Variants in PCDHGA1 observed in about 807,000 individuals in gnomAD.
PCDHGA1 encodes protocadherin gamma subfamily A, 1, also known as protocadherin gamma-A1.
PCDHGA1 carries 32 observed loss-of-function variants against 58.0 expected under a neutral mutation model. That is an observed-to-expected ratio of 0.55 (90% CI 0.42 to 0.74). The LOEUF (loss-of-function observed/expected upper bound fraction) is 0.74. PCDHGA1 is among the 30% of genes least tolerant of loss of function. The pLI is 0.00. For missense variants in PCDHGA1, 1,205 were observed against 1,182.3 expected, an observed-to-expected ratio of 1.02 and a Z score of -0.28; for synonymous variants, 498 against 501.1, an observed-to-expected ratio of 0.99 and a Z score of 0.08.
chr5:141,403,049 T>C (rs368917303), intron 1 of PCDHGA1: 2 of 1,613,938 alleles, frequency 1.2e-6, no homozygotes, highest in Non-Finnish European at 1.7e-6. Flanking sequence ...TCAGATTCGC[T>C]ACTCAGTGCC....
rs763321545 is a variant in PCDHGA1 at position 141,389,799 on chromosome 5, C to A, written c.2421+56694C>A. 1.2e-5 allele frequency: 19 copies of A among 1,613,678 alleles called. No individual in the cohort carries two copies. The South Asian group carries it at 1.9e-4, about 16-fold the overall frequency. On this transcript the variant is annotated intron_variant, in intron 1 of 3. Transcript: ENST00000517417. ...AGGCGACAGGGACGCCGTCCGCCAG[C>A]GCCTTCTGGTCGCCGTGCGTGACGG...
At chr5:141,392,229 TTC>T (rs1184019586) in intron 1 of PCDHGA1, 5 of 152,224 alleles carry the variant, frequency 3.3e-5, no homozygotes, top group Admixed American at 6.5e-5. Context: ...ACAACTGAAG[TTC>T]TTAGTTATTT....
intron 1 of PCDHGA1, among the ~76,000 whole-genome samples, chr5:141,363,259 A>G (rs1181731683): frequency 6.6e-6 from 1 of 152,244 alleles, no homozygotes; most frequent in Non-Finnish European, 1.5e-5. Context: ...AATATTACTT[A>G]AAACTTTGCT....
intron 1 of PCDHGA1, chr5:141,342,425 A>G (rs1757159816): frequency 6.6e-6 from 1 of 152,190 alleles, no homozygotes; most frequent in Admixed American, 6.5e-5. Context: ...CTAATGTTCT[A>G]TGTAACTGGC....
At chr5:141,370,736 A>C (rs1444909580) in intron 1 of PCDHGA1, 1 of 1,613,780 alleles carries the variant, frequency 6.2e-7, no homozygotes, top group Non-Finnish European at 8.5e-7. Flanking sequence ...AAAAGCCTTT[A>C]AACTTTTTTC....
At chr5:141,439,445 G>A (rs1030957687) in intron 1 of PCDHGA1, among the ~76,000 whole-genome samples, 5 of 152,102 alleles carry the variant, frequency 3.3e-5, no homozygotes, top group African/African-American at 4.8e-5. Flanking sequence ...ATTTTATTGC[G>A]GGAGCAAGAC....
intron 1 of PCDHGA1, among the ~76,000 whole-genome samples, chr5:141,457,906 T>G (rs1272656638): frequency 6.7e-6 from 1 of 150,040 alleles, no homozygotes; most frequent in Admixed American, 6.6e-5. Flanking sequence ...AGACAAGGTG[T>G]GAGGCCAGTT....
intron 1 of PCDHGA1, chr5:141,441,973 C>T (rs1457832429): frequency 6.7e-6 from 2 of 296,542 alleles, no homozygotes; most frequent in Admixed American, 4.4e-5. Context: ...GCTCTTCAGC[C>T]TGGAATGCGC....
At chr5:141,382,483 A>G (rs1778240323) in intron 1 of PCDHGA1, among the ~76,000 whole-genome samples, 1 of 152,250 alleles carries the variant, frequency 6.6e-6, no homozygotes, top group Non-Finnish European at 1.5e-5. Context: ...TAAGATTATC[A>G]AACACCGGTC....
At chr5:141,434,070 T>C (rs1004240895) in intron 1 of PCDHGA1, among the ~76,000 whole-genome samples, 3 of 152,226 alleles carry the variant, frequency 2.0e-5, no homozygotes, top group Non-Finnish European at 2.9e-5. Context: ...TCTGTTAATA[T>C]CAATTATTTA....
intron 1 of PCDHGA1, chr5:141,441,665 A>ACAGTG (rs936537442): frequency 7.5e-6 from 2 of 265,720 alleles, no homozygotes; most frequent in African/African-American, 4.7e-5. Flanking sequence ...CCTTGAGCGC[A>ACAGTG]CAGTGCGCCT....
intron 1 of PCDHGA1, among the ~76,000 whole-genome samples, chr5:141,474,926 C>T (rs756761848): frequency 1.3e-5 from 2 of 152,218 alleles, no homozygotes; most frequent in Non-Finnish European, 2.9e-5. Context: ...TCATCTCTGG[C>T]TTATATCACA....
chr5:141,345,148 A>G, intron 1 of PCDHGA1: 6 of 1,614,046 alleles, frequency 3.7e-6, no homozygotes, highest in Non-Finnish European at 4.2e-6. Context: ...ATCGACGTGC[A>G]TGACCGAGAT....
At chr5:141,347,137 C>T (rs56115657) in intron 1 of PCDHGA1, among the ~76,000 whole-genome samples, 55 of 113,724 alleles carry the variant, frequency 4.8e-4, no homozygotes, top group South Asian at 1.6e-3. Context: ...CTCTGTTTCT[C>T]TCTTTCTTTC....
intron 1 of PCDHGA1, chr5:141,361,375 G>A (rs267600451): frequency 1.4e-5 from 23 of 1,613,956 alleles, no homozygotes; most frequent in South Asian, 1.3e-4. Context: ...GGACCGGGAG[G>A]AGATCCCAGA....
At chr5:141,381,178 G>A (rs1267503052) in intron 1 of PCDHGA1, among the ~76,000 whole-genome samples, 1 of 152,222 alleles carries the variant, frequency 6.6e-6, no homozygotes, top group African/African-American at 2.4e-5. Flanking sequence ...CCCACAAAAC[G>A]AAGTTAAGCT....
At position 141,432,902 on chromosome 5, in the gene PCDHGA1, A is replaced by C. The variant is rs992417865; in HGVS notation, c.2422-61905A>C. The C allele has an allele frequency of 1.2e-6, 2 of 1,614,028 alleles. No homozygotes were observed. The highest frequency in any genetic ancestry group is 2.7e-5 in the African/African-American group (2 of 74,924). On this transcript the variant is annotated intron_variant, in intron 1 of 3. Coordinates refer to ENST00000517417, the MANE Select transcript of PCDHGA1 (RefSeq NM_018912.3). The surrounding 1 kb of genome is among the most constrained non-coding windows in gnomAD (Gnocchi z 6.0). ...CTTCGTCATCTTGCTGCTGGCGCTCAGGCTGCGGCGCTGGCACAAGTCACG... is the reference window on the plus strand; with the variant it reads ...CTTCGTCATCTTGCTGCTGGCGCTCCGGCTGCGGCGCTGGCACAAGTCACG...
At position 141,477,067 on chromosome 5, in the gene PCDHGA1, C is replaced by G. The variant is rs370882752; in HGVS notation, c.2422-17740C>G. 5.6e-5 allele frequency: 91 copies of G among 1,614,116 alleles called. No individual in the cohort carries two copies. Among genetic ancestry groups the G allele is most frequent in the Non-Finnish European group, 7.7e-5 (91 of 1,180,042 alleles). ...GGCTGGACTTCGAGGACACCAAACT[C>G]CATGAGATTTACATCCAGGCCAAAG... On this transcript the variant is annotated intron_variant, in intron 1 of 3. Transcript: ENST00000517417. This position sits in a 1 kb window ranked among gnomAD's most constrained non-coding sequence, Gnocchi z 4.9.
At chr5:141,408,838 G>A in intron 1 of PCDHGA1, 1 of 1,613,588 alleles carries the variant, frequency 6.2e-7, no homozygotes, top group African/African-American at 1.3e-5. Flanking sequence ...GCTTGATATT[G>A]ACTGCCTTGG....
Sources: gnomAD v4.1 joint callset for allele counts (sites outside exome capture counted in the v4.1 genomes callset) on GRCh38, gnomAD v4.1.1 for gene constraint, Gnocchi (gnomAD v3.1) non-coding constraint, MANE v1.5 for transcripts, NCBI Gene and HGNC (gene_info 2026-07-23, HGNC 2026-07-21) for gene names.